Variants in NFIC observed in about 807,000 individuals in gnomAD.
NFIC encodes the protein nuclear factor 1 C-type.
In NFIC, 12 loss-of-function variants were observed where a neutral mutation model predicts 54.4. The observed-to-expected ratio is 0.22, with a 90% CI of 0.14 to 0.36. The LOEUF (loss-of-function observed/expected upper bound fraction) is 0.36, where lower values mean the gene tolerates loss of function less well. Ranked by LOEUF, NFIC falls within the 10% of genes least tolerant of loss-of-function variation. The pLI is 1.00. For missense variants in NFIC, 575 were observed against 718.2 expected (o/e 0.80, Z 2.28); for synonymous variants, 322 against 319.2 (o/e 1.01, Z -0.09).
chr19:3,399,046 G>A (rs767480787), intron 2 of NFIC, among the ~76,000 whole-genome samples: 1 of 152,264 alleles, frequency 6.6e-6, no homozygotes, highest in Non-Finnish European at 1.5e-5. Flanking sequence ...GGCTTGGGCT[G>A]TGACGCTGGC....
intron 1 of NFIC, among the ~76,000 whole-genome samples, chr19:3,367,612 A>C (rs1397007654): frequency 6.6e-6 from 1 of 152,198 alleles, no homozygotes. Flanking sequence ...CTTCCAGCCC[A>C]GGCTCCCGGG....
In NFIC at chr19:3,463,621, C is replaced by T. The variant is rs1410855783; in HGVS notation, c.*852C>T. On this transcript the variant is annotated 3_prime_UTR_variant, in exon 11 of 11. Transcript: ENST00000443272. ...GAAGTCTCTATGCAATTGGCCCCGG[C>T]CCCTCCACCCCCCACCCCCGGCATA... The T allele has an allele frequency of 1.7e-5, 16 of 961,854 alleles. No individual in the cohort carries two copies. Among genetic ancestry groups the T allele is most frequent in the Admixed American group, 1.3e-4 (2 of 15,400 alleles). 59.6% of individuals were successfully genotyped at this position (961,854 alleles called of 1,614,324 possible).
At chr19:3,382,690 G>A (rs1439301159) in intron 2 of NFIC, among the ~76,000 whole-genome samples, 5 of 144,878 alleles carry the variant, frequency 3.5e-5, no homozygotes, top group East Asian at 2.2e-4. Context: ...CTGGGAGAGC[G>A]TCTGACGCCG....
At chr19:3,367,404 C>T (rs1489647090) in intron 1 of NFIC, among the ~76,000 whole-genome samples, 2 of 152,178 alleles carry the variant, frequency 1.3e-5, no homozygotes, top group African/African-American at 4.8e-5. Context: ...GCGGGAGGCC[C>T]GGCGCTCCGG....
intron 6 of NFIC, among the ~76,000 whole-genome samples, chr19:3,448,686 G>A (rs1349812438): frequency 2.6e-5 from 4 of 152,116 alleles, no homozygotes; most frequent in African/African-American, 4.8e-5. Flanking sequence ...TCTAGGGCTC[G>A]GGTGACTCCC....
chr19:3,399,731 G>C (rs1362706973), intron 2 of NFIC, among the ~76,000 whole-genome samples: 2 of 151,780 alleles, frequency 1.3e-5, no homozygotes, highest in Non-Finnish European at 2.9e-5. Context: ...AATTAGCTGG[G>C]CGTGTGGTGG....
chr19:3,402,658 G>A (rs2145541952), intron 2 of NFIC, among the ~76,000 whole-genome samples: 1 of 152,328 alleles, frequency 6.6e-6, no homozygotes, highest in African/African-American at 2.4e-5. Flanking sequence ...AGAAGGCTGA[G>A]ATTGAGGGTA....
intron 2 of NFIC, among the ~76,000 whole-genome samples, chr19:3,421,012 C>T (rs561347054): frequency 9.2e-5 from 14 of 152,288 alleles, no homozygotes; most frequent in South Asian, 8.3e-4. Context: ...CGTGAGCCAC[C>T]GCGCCCAGCC....
intron 2 of NFIC, among the ~76,000 whole-genome samples, chr19:3,422,296 A>G (rs2081964778): frequency 6.8e-6 from 1 of 147,770 alleles, no homozygotes; most frequent in Admixed American, 6.7e-5. Context: ...CTGGTCTCGA[A>G]CTCCTGGCCT....
At chr19:3,432,916 C>T (rs545375844) in intron 3 of NFIC, among the ~76,000 whole-genome samples, 15 of 151,972 alleles carry the variant, frequency 9.9e-5, no homozygotes, top group South Asian at 6.3e-4. Context: ...GTGATCCTCC[C>T]GCCTCGGCCT....
At chr19:3,371,988 CCTCTCTCTCCCTCTCTCTCT>C (rs2081025916) in intron 1 of NFIC, among the ~76,000 whole-genome samples, 1 of 27,412 alleles carries the variant, frequency 3.6e-5, no homozygotes. Flanking sequence ...TCTCTCTCTC[CCTCTCTCTCCCTCTCTCTCT>C]CTCTCTCTCT....
rs186205095 is a variant in NFIC, at chr19:3,442,179, C to T, written c.959-6835C>T. 2.2e-4 allele frequency among the ~76,000 whole-genome samples: 34 copies of T among 152,338 alleles called. No homozygotes were observed. In the East Asian group the frequency reaches 5.6e-3, roughly 25 times the overall value. ...CCAGGCCCTTTCTCCTGGCCGCCTC[C>T]ACCCGAGGCCTCCCTGCTTACGCGG... On this transcript the variant is annotated intron_variant, in intron 6 of 10. Coordinates refer to ENST00000443272, the MANE Select transcript of NFIC (RefSeq NM_001245002.2).
chr19:3,365,526 C>T (rs1018508366), upstream of NFIC, among the ~76,000 whole-genome samples: 1 of 152,142 alleles, frequency 6.6e-6, no homozygotes, highest in Non-Finnish European at 1.5e-5. Context: ...GGGGCTCAGA[C>T]GGAGGCAGGC....
rs1455028089 is a variant in NFIC at position 3,453,860 on chromosome 19, CT to C, written c.1368del (p.Ala457ProfsTer35). On this transcript the variant is annotated frameshift_variant, in exon 9 of 11. Coordinates refer to ENST00000443272, the MANE Select transcript of NFIC (RefSeq NM_001245002.2). LOFTEE classifies it high-confidence loss of function. The surrounding 1 kb of genome is among the most constrained non-coding windows in gnomAD (Gnocchi z 6.7). ...PPGLPRLALP[P>X]ATKPATTSEG... ...GGGCTGCCACGGCTGGCGCTCCCCC[CT>C]GCCACCAAACCCGCCACCACCTCCG... The C allele has an allele frequency of 1.1e-5, 17 of 1,570,040 alleles. No homozygotes were observed. The highest frequency in any genetic ancestry group is 1.4e-5 in the African/African-American group (1 of 73,078).
rs1171782529 is a variant in NFIC, at chr19:3,370,927, ACCAGTTCACAT to A, written c.30+4265_30+4275del. On this transcript the variant is annotated intron_variant, in intron 1 of 10. Coordinates refer to ENST00000443272, the MANE Select transcript of NFIC (RefSeq NM_001245002.2). This position sits in a 1 kb window ranked among gnomAD's most constrained non-coding sequence, Gnocchi z 5.2. ...ACAGCGTGCGGGCACCCAAGTCCTGACCAGTTCACATCCATGAGCACACGCTGGGCGCACAC... is the reference window on the plus strand; with the variant it reads ...ACAGCGTGCGGGCACCCAAGTCCTGACCATGAGCACACGCTGGGCGCACAC... 6.6e-6 allele frequency among the ~76,000 whole-genome samples: 1 copy of A among 152,140 alleles called. No individual in the cohort carries two copies. The highest frequency in any genetic ancestry group is 6.5e-5 in the Admixed American group (1 of 15,268).
intron 2 of NFIC, among the ~76,000 whole-genome samples, chr19:3,401,024 A>G (rs1372792119): frequency 1.3e-5 from 2 of 152,224 alleles, no homozygotes; most frequent in East Asian, 1.9e-4. Context: ...AACCAGTTAT[A>G]TGAAGAACTG....
At chr19:3,410,280 A>G (rs2081733687) in intron 2 of NFIC, among the ~76,000 whole-genome samples, 1 of 152,214 alleles carries the variant, frequency 6.6e-6, no homozygotes, top group Non-Finnish European at 1.5e-5. Flanking sequence ...TTCCAGAACC[A>G]GAGCCTCTCA....
intron 2 of NFIC, among the ~76,000 whole-genome samples, chr19:3,386,958 G>A (rs1266687514): frequency 6.6e-6 from 1 of 152,222 alleles, no homozygotes; most frequent in Non-Finnish European, 1.5e-5. Flanking sequence ...CTGACAGCAG[G>A]AAGACTGGCC....
At chr19:3,397,913 G>C (rs558486277) in intron 2 of NFIC, among the ~76,000 whole-genome samples, 2 of 152,324 alleles carry the variant, frequency 1.3e-5, no homozygotes, top group African/African-American at 4.8e-5. Flanking sequence ...GGGGAGGCCT[G>C]TCTGGAGCAG....
Sources: gnomAD v4.1 joint callset for allele counts (sites outside exome capture counted in the v4.1 genomes callset) on GRCh38, gnomAD v4.1.1 for gene constraint, Gnocchi (gnomAD v3.1) non-coding constraint, MANE v1.5 for transcripts, NCBI Gene and HGNC (gene_info 2026-07-23, HGNC 2026-07-21) for gene names.